The following LRRTM4 variants were observed in gnomAD, a reference collection of about 807,000 sequenced individuals.
The protein encoded by LRRTM4 is leucine rich repeat transmembrane neuronal 4.
In LRRTM4, 25 loss-of-function variants were observed where a neutral mutation model predicts 47.6. That is an observed-to-expected ratio of 0.53 (90% confidence interval 0.38 to 0.73). The LOEUF is 0.73. Ranked by LOEUF, LRRTM4 falls within the 30% of genes least tolerant of loss-of-function variation. The pLI, the probability that LRRTM4 is intolerant of heterozygous loss-of-function variation, is 0.00. For missense variants in LRRTM4, 638 were observed against 713.4 expected, an observed-to-expected ratio of 0.89 and a Z score of 1.20; for synonymous variants, 311 against 269.5, an observed-to-expected ratio of 1.15 and a Z score of -1.51.
At chr2:77,077,487 T>C (rs1266975539) in intron 3 of LRRTM4, among the ~76,000 whole-genome samples, 4 of 152,164 alleles carry the variant, frequency 2.6e-5, no homozygotes, top group Non-Finnish European at 4.4e-5. Context: ...TTGGTATGAA[T>C]ATATCTCCTT....
intron 3 of LRRTM4, among the ~76,000 whole-genome samples, chr2:77,481,154 G>T (rs1677687441): frequency 3.9e-5 from 6 of 152,106 alleles, no homozygotes; most frequent in African/African-American, 1.4e-4. Context: ...TAACCTTATA[G>T]AATACCTTTT....
chr2:77,035,184 A>G (rs895872401), intron 3 of LRRTM4, among the ~76,000 whole-genome samples: 1 of 151,462 alleles, frequency 6.6e-6, no homozygotes, highest in Admixed American at 6.6e-5. Context: ...TTTACATTAG[A>G]TATATCTCCT....
intron 3 of LRRTM4, among the ~76,000 whole-genome samples, chr2:77,419,065 T>C (rs1270077805): frequency 6.6e-6 from 1 of 152,210 alleles, no homozygotes; most frequent in Non-Finnish European, 1.5e-5. Context: ...CTCATATATA[T>C]TGGGTACTTA....
chr2:77,505,482 G>A (rs538259710), intron 3 of LRRTM4, among the ~76,000 whole-genome samples: 2 of 151,076 alleles, frequency 1.3e-5, no homozygotes, highest in South Asian at 4.2e-4. Context: ...TCAACGAAGT[G>A]GACCAAAATA....
intron 3 of LRRTM4, among the ~76,000 whole-genome samples, chr2:76,840,854 G>A (rs1449107796): frequency 6.6e-6 from 1 of 151,990 alleles, no homozygotes; most frequent in African/African-American, 2.4e-5. Flanking sequence ...AACCATTGTG[G>A]AAGTCAGTGT....
chr2:77,150,640 G>C (rs575780373), intron 3 of LRRTM4, among the ~76,000 whole-genome samples: 1 of 151,998 alleles, frequency 6.6e-6, no homozygotes, highest in Admixed American at 6.6e-5. Flanking sequence ...AATATTCTCC[G>C]TAAATAATTG....
At chr2:77,056,618 A>T (rs533191314) in intron 3 of LRRTM4, among the ~76,000 whole-genome samples, 5 of 152,350 alleles carry the variant, frequency 3.3e-5, no homozygotes, top group Admixed American at 6.5e-5. Flanking sequence ...ATAGTACAGT[A>T]AAAGATGTGA....
intron 3 of LRRTM4, among the ~76,000 whole-genome samples, chr2:77,168,603 G>A (rs1356218653): frequency 6.6e-6 from 1 of 152,066 alleles, no homozygotes; most frequent in Non-Finnish European, 1.5e-5. Context: ...TATGAGAAAT[G>A]ATTGTTAATT....
At chr2:76,833,296 T>C (rs1255830024) in intron 3 of LRRTM4, among the ~76,000 whole-genome samples, 1 of 152,162 alleles carries the variant, frequency 6.6e-6, no homozygotes, top group Non-Finnish European at 1.5e-5. Context: ...ATATCCGTGC[T>C]GCAAACTCCG....
chr2:77,270,961 A>T (rs1233169709), intron 3 of LRRTM4, among the ~76,000 whole-genome samples: 1 of 152,166 alleles, frequency 6.6e-6, no homozygotes, highest in Admixed American at 6.5e-5. Flanking sequence ...CCCCATTCTG[A>T]GTCCTATGAA....
At chr2:76,971,592 A>G (rs1342990269) in intron 3 of LRRTM4, among the ~76,000 whole-genome samples, 5 of 152,150 alleles carry the variant, frequency 3.3e-5, no homozygotes, top group African/African-American at 7.2e-5. Flanking sequence ...GAAGAAATAT[A>G]TATCTGGATG....
In LRRTM4 at chr2:76,835,968, T is replaced by A. The variant is rs187885926; in HGVS notation, c.1552-87052A>T. On this transcript the variant is annotated intron_variant, in intron 3 of 3. Coordinates refer to ENST00000409884, the MANE Select transcript of LRRTM4 (RefSeq NM_001134745.3). ...ACGTTCTTGAATTTCTAAATGATAG[T>A]AGAACCTCTGAAATCCCAGGGGATA... Among the ~76,000 whole-genome samples, 8 of 152,170 alleles carry A rather than the reference T, an allele frequency of 5.3e-5. No individual in the cohort carries two copies. In the South Asian group the frequency reaches 1.2e-3, roughly 24 times the overall value.
At chr2:76,771,540 C>T in intron 3 of LRRTM4, among the ~76,000 whole-genome samples, 1 of 151,508 alleles carries the variant, frequency 6.6e-6, no homozygotes, top group East Asian at 1.9e-4. Flanking sequence ...CCTGGAGGAG[C>T]TGAGGCTGAG....
chr2:76,920,136 A>C (rs1308842695), intron 3 of LRRTM4, among the ~76,000 whole-genome samples: 1 of 152,182 alleles, frequency 6.6e-6, no homozygotes, highest in Non-Finnish European at 1.5e-5. Context: ...TGGCATCTAC[A>C]GGTGATAAAA....
At chr2:76,807,451 T>TATATACAC (rs1558667548) in intron 3 of LRRTM4, among the ~76,000 whole-genome samples, 17 of 98,752 alleles carry the variant, frequency 1.7e-4, no homozygotes, top group East Asian at 5.1e-4. Flanking sequence ...TATACATATA[T>TATATACAC]ATATATACAT....
intron 3 of LRRTM4, among the ~76,000 whole-genome samples, chr2:76,883,362 T>C (rs528968481): frequency 6.6e-6 from 1 of 152,296 alleles, no homozygotes; most frequent in South Asian, 2.1e-4. Context: ...GCCCAATTAA[T>C]GTTTATTGAA....
intron 3 of LRRTM4, among the ~76,000 whole-genome samples, chr2:76,812,748 TCCCTCCTTCTCCTCC>T (rs1314373421): frequency 1.5e-5 from 2 of 129,148 alleles, no homozygotes; most frequent in African/African-American, 6.2e-5. Context: ...CCTCCTCCTC[TCCCTCCTTCTCCTCC>T]TCCTCTCCCT....
At chr2:76,804,117 G>A (rs981417380) in intron 3 of LRRTM4, among the ~76,000 whole-genome samples, 1 of 152,114 alleles carries the variant, frequency 6.6e-6, no homozygotes, top group African/African-American at 2.4e-5. Context: ...TTTTGCTGCA[G>A]TAAGTTGGAC....
intron 3 of LRRTM4, among the ~76,000 whole-genome samples, chr2:76,975,688 G>A (rs1305427762): frequency 6.6e-6 from 1 of 151,612 alleles, no homozygotes. Flanking sequence ...AAAACATTGA[G>A]GAGACAAAAA....
Sources: gnomAD v4.1 joint callset for allele counts (sites outside exome capture counted in the v4.1 genomes callset) on GRCh38, gnomAD v4.1.1 for gene constraint, MANE v1.5 for transcripts, NCBI Gene and HGNC (gene_info 2026-07-23, HGNC 2026-07-21) for gene names.